Variants in PCDHGA5 observed in about 807,000 individuals in gnomAD.
PCDHGA5 encodes protocadherin gamma subfamily A, 5.
Under a neutral mutation model 56.7 loss-of-function variants are expected in PCDHGA5, and 36 were observed. The observed-to-expected ratio is 0.64, with a 90% CI of 0.49 to 0.84. The LOEUF is 0.84. Ranked by LOEUF, PCDHGA5 falls within the 40% of genes least tolerant of loss-of-function variation. The pLI, the probability that PCDHGA5 is intolerant of heterozygous loss-of-function variation, is 0.00. For synonymous variants in PCDHGA5, 563 were observed against 520.2 expected (o/e 1.08, Z -1.12); for missense variants, 1,305 against 1,201.5 (o/e 1.09, Z -1.27).
At position 141,417,952 on chromosome 5, in the gene PCDHGA5, G is replaced by C. The variant is rs766243694; in HGVS notation, c.2421+51201G>C. 10 of 1,613,510 alleles carry C rather than the reference G, an allele frequency of 6.2e-6. No individual in the cohort carries two copies. In the African/African-American group the frequency reaches 1.3e-4, roughly 22 times the overall value. On this transcript the variant is annotated intron_variant, in intron 1 of 3. Coordinates refer to ENST00000518069, the MANE Select transcript of PCDHGA5 (RefSeq NM_018918.3). ...CTTTGTTCTACCCCACGCTGTGTGA[G>C]CCGATCCGCTACTCGATTCCGGAGG...
intron 1 of PCDHGA5, among the ~76,000 whole-genome samples, chr5:141,452,350 A>G (rs1355934993): frequency 6.6e-6 from 1 of 152,212 alleles, no homozygotes; most frequent in Admixed American, 6.5e-5. Context: ...CCATTTATCC[A>G]AAAGCCTTGC....
At chr5:141,439,898 C>A (rs1428014089) in intron 1 of PCDHGA5, 2 of 152,344 alleles carry the variant, frequency 1.3e-5, no homozygotes, top group African/African-American at 4.8e-5. Flanking sequence ...ACCAAGGCGA[C>A]TACTGCCTCC....
chr5:141,414,946 C>T, intron 1 of PCDHGA5: 1 of 1,614,102 alleles, frequency 6.2e-7, no homozygotes, highest in East Asian at 2.2e-5. Context: ...GCCCGGCTAC[C>T]TGGTGACCAA....
chr5:141,366,160 G>T lies in PCDHGA5; in HGVS notation c.1830G>T (p.Lys610Asn). 1 of 1,614,118 alleles carries T rather than the reference G, an allele frequency of 6.2e-7. No individual in the cohort carries two copies. The highest frequency in any genetic ancestry group is 8.5e-7 in the Non-Finnish European group (1 of 1,180,044). The change falls in exon 1 of 4, where the codon AAG (lysine) becomes AAT (asparagine). Residue 610 changes from lysine (K) to asparagine (N), a missense_variant. Lys to Asn is a moderately conservative substitution (Grantham distance 94, BLOSUM62 0). Transcript: ENST00000518069. ...CCTGGCTGTCCTACCGCCTGCTTAA[G>T]GCCAGCGAGCCAGGACTCTTTGCGG... is the stretch of plus-strand genomic sequence containing the variant. ...QNAWLSYRLL[K>N]ASEPGLFAVG...
rs765263883 is a variant in PCDHGA5 at position 141,491,018 on chromosome 5, C to T, written c.2422-3789C>T. On this transcript the variant is annotated intron_variant, in intron 1 of 3. Coordinates refer to ENST00000518069, the MANE Select transcript of PCDHGA5 (RefSeq NM_018918.3). This position sits in a 1 kb window ranked among gnomAD's most constrained non-coding sequence, Gnocchi z 6.9. The stretch of plus-strand genomic sequence containing the variant: ...CCTGGCTCCTTGGTCACCAAGGTGA[C>T]AGCCGTGGATGCTGATGCAGGCCAC... 1.2e-6 allele frequency: 2 copies of T among 1,614,146 alleles called. No individual in the cohort carries two copies. The highest frequency in any genetic ancestry group is 1.7e-6 in the Non-Finnish European group (2 of 1,180,042).
In PCDHGA5 at chr5:141,392,850, C is replaced by T. The variant is rs752526573; in HGVS notation, c.2421+26099C>T. ...ACAGAGTCGCCCCAGACGCGGCGAG[C>T]TGATCCTGCTGTGCGCGCTGCTGGG... On this transcript the variant is annotated intron_variant, in intron 1 of 3. Coordinates refer to ENST00000518069, the MANE Select transcript of PCDHGA5 (RefSeq NM_018918.3). The T allele has an allele frequency of 3.1e-6, 5 of 1,610,550 alleles. No homozygotes were observed. In the African/African-American group the frequency reaches 5.3e-5, roughly 17 times the overall value.
chr5:141,393,055 G>A (rs1225924697), intron 1 of PCDHGA5: 1 of 1,613,678 alleles, frequency 6.2e-7, no homozygotes, highest in South Asian at 1.1e-5. Flanking sequence ...AACCCGCGCA[G>A]CGGCAGCTTG....
chr5:141,427,193 C>T (rs1427995075), intron 1 of PCDHGA5: 1 of 456,496 alleles, frequency 2.2e-6, no homozygotes, highest in Admixed American at 2.4e-5. Context: ...AATCCAAAGA[C>T]TTAATAGACT....
At chr5:141,420,077 C>A (rs760626443) in intron 1 of PCDHGA5, 1 of 1,613,900 alleles carries the variant, frequency 6.2e-7, no homozygotes, top group Non-Finnish European at 8.5e-7. Context: ...ACCTGTGGGT[C>A]CCCCCAACTA....
intron 1 of PCDHGA5, chr5:141,403,237 CTG>C (rs1436614562): frequency 1.2e-6 from 2 of 1,613,942 alleles, no homozygotes; most frequent in Admixed American, 1.7e-5. Flanking sequence ...GGGAGGAGCT[CTG>C]TGCTCAGAGC....
At chr5:141,403,276 C>G in intron 1 of PCDHGA5, 7 of 1,613,844 alleles carry the variant, frequency 4.3e-6, no homozygotes, top group Non-Finnish European at 5.1e-6. Context: ...ACTTTAAAGT[C>G]CTGGTTGAAG....
chr5:141,415,654 A>ATTGGT, intron 1 of PCDHGA5: 1 of 1,573,242 alleles, frequency 6.4e-7, no homozygotes, highest in Non-Finnish European at 8.6e-7. Flanking sequence ...AAAAAAAAAG[A>ATTGGT]TTGGTTTTTA....
chr5:141,446,087 A>G (rs2154561251), intron 1 of PCDHGA5, among the ~76,000 whole-genome samples: 1 of 152,370 alleles, frequency 6.6e-6, no homozygotes, highest in Non-Finnish European at 1.5e-5. Flanking sequence ...GTAGAAATAA[A>G]TGGATGAATT....
At chr5:141,495,544 T>C (rs971374249) in intron 2 of PCDHGA5, among the ~76,000 whole-genome samples, 5 of 152,220 alleles carry the variant, frequency 3.3e-5, no homozygotes, top group African/African-American at 7.2e-5. Context: ...CCTCAGTCTC[T>C]ATCTCGCTTT....
intron 1 of PCDHGA5, chr5:141,422,056 G>A: frequency 8.7e-6 from 14 of 1,611,934 alleles, no homozygotes; most frequent in Non-Finnish European, 1.2e-5. Flanking sequence ...AATCAACGGG[G>A]AAGTAATGTA....
At chr5:141,405,364 C>T in intron 1 of PCDHGA5, 1 of 1,613,548 alleles carries the variant, frequency 6.2e-7, no homozygotes, top group Non-Finnish European at 8.5e-7. Flanking sequence ...TAGAAGACAC[C>T]CCTTTGGTTC....
At position 141,467,151 on chromosome 5, in the gene PCDHGA5, C is replaced by T. The variant is rs527879624; in HGVS notation, c.2422-27656C>T. ...CACTGCAACCTCTGCCTCCCAGGTT[C>T]AAGTGATTCTCATCTCTCAGCCTCC... is the stretch of plus-strand genomic sequence containing the variant. On this transcript the variant is annotated intron_variant, in intron 1 of 3. Transcript: ENST00000518069. Among the ~76,000 whole-genome samples the T allele has an allele frequency of 4.0e-5, 6 of 151,660 alleles. No homozygotes were observed. In the East Asian group the frequency reaches 7.8e-4, roughly 20 times the overall value.
Position 141,366,265 on chromosome 5 carries a change from C to G in PCDHGA5, c.1935C>G (p.Ala645=), listed in dbSNP as rs756734800. 6.2e-7 allele frequency: 1 copy of G among 1,613,566 alleles called. No individual in the cohort carries two copies. Among genetic ancestry groups the G allele is most frequent in the Non-Finnish European group, 8.5e-7 (1 of 1,180,026 alleles). The change falls in exon 1 of 4, where the codon GCC becomes GCG. Residue 645 remains alanine (A), a synonymous_variant. Transcript: ENST00000518069. ...RDALKQSLVV[A]VEDHGQPPLS... ...CGCTCAAGCAGAGCCTCGTGGTGGCCGTCGAAGACCATGGCCAGCCCCCTC... is the reference window on the plus strand; with the variant it reads ...CGCTCAAGCAGAGCCTCGTGGTGGCGGTCGAAGACCATGGCCAGCCCCCTC...
chr5:141,433,837 C>CAAA lies in PCDHGA5; in HGVS notation c.2422-60954_2422-60952dup, dbSNP rs56191208. The stretch of plus-strand genomic sequence containing the variant: ...GGGCAACAAGAGTGAAACTCTATCT[C>CAAA]AAAAAAAAAAAAAAAAAACTTTATC... On this transcript the variant is annotated intron_variant, in intron 1 of 3. Transcript: ENST00000518069. 4.3e-3 allele frequency among the ~76,000 whole-genome samples: 475 copies of CAAA among 111,672 alleles called. 6 individuals carry two copies. The highest frequency in any genetic ancestry group is 0.013 in the African/African-American group (431 of 32,292). The allele number at this position is 111,672 out of a possible 152,430, so 73.3% of individuals were successfully genotyped here.
Sources: gnomAD v4.1 joint callset for allele counts (sites outside exome capture counted in the v4.1 genomes callset) on GRCh38, gnomAD v4.1.1 for gene constraint, Gnocchi (gnomAD v3.1) non-coding constraint, MANE v1.5 for transcripts, NCBI Gene and HGNC (gene_info 2026-07-23, HGNC 2026-07-21) for gene names.